The following DIAPH2 variants were observed in gnomAD, a reference collection of about 807,000 sequenced individuals.
The protein encoded by DIAPH2 is protein diaphanous homolog 2.
A neutral mutation model predicts 92.7 loss-of-function variants in DIAPH2; 35 were observed. The ratio of observed to expected loss-of-function variants is 0.38; its 90% CI spans 0.29 to 0.50. The LOEUF is 0.50. Ranked by LOEUF, DIAPH2 falls within the 20% of genes least tolerant of loss-of-function variation. The pLI, the probability that DIAPH2 is intolerant of heterozygous loss-of-function variation, is 0.94. For synonymous variants in DIAPH2, 301 were observed against 280.4 expected, an observed-to-expected ratio of 1.07 and a Z score of -0.73; for missense variants, 701 against 819.5, an observed-to-expected ratio of 0.86 and a Z score of 1.77.
intron 10 of DIAPH2, among the ~76,000 whole-genome samples, chrX:96,936,828 T>G (rs780824614): frequency 2.7e-5 from 3 of 112,242 alleles, no homozygotes; most frequent in Non-Finnish European, 5.6e-5. Context: ...TTGTTCTTCA[T>G]TAATACAATT....
chrX:96,980,085 T>C (rs1311717876), intron 17 of DIAPH2, among the ~76,000 whole-genome samples: 2 of 111,509 alleles, frequency 1.8e-5, no homozygotes, highest in African/African-American at 6.5e-5. Context: ...CTTATAGCCA[T>C]CTGCAGATGG....
At chrX:97,164,347 G>A (rs935107441) in intron 22 of DIAPH2, among the ~76,000 whole-genome samples, 17 of 111,339 alleles carry the variant, frequency 1.5e-4, no homozygotes, top group Non-Finnish European at 3.0e-4. Context: ...AATACCTAAG[G>A]CAAAAATACC....
intron 24 of DIAPH2, among the ~76,000 whole-genome samples, chrX:97,379,960 C>T (rs151289232): frequency 1.8e-5 from 2 of 110,623 alleles, no homozygotes; most frequent in African/African-American, 3.3e-5. Flanking sequence ...TTAGCATTTA[C>T]GTGAATTTCT....
chrX:97,068,521 AAAGGT>A (rs2066648070), intron 17 of DIAPH2, among the ~76,000 whole-genome samples: 1 of 111,535 alleles, frequency 9.0e-6, no homozygotes, highest in Non-Finnish European at 1.9e-5. Flanking sequence ...ATGCATAGAT[AAAGGT>A]GATTCAGAAT....
chrX:97,337,684 A>G (rs1179608986), intron 23 of DIAPH2, among the ~76,000 whole-genome samples: 1 of 110,457 alleles, frequency 9.1e-6, no homozygotes, highest in Non-Finnish European at 1.9e-5. Flanking sequence ...GGGTGTCAGA[A>G]TAACGGAAAA....
At chrX:97,000,701 A>G (rs2066138060) in intron 17 of DIAPH2, among the ~76,000 whole-genome samples, 1 of 111,579 alleles carries the variant, frequency 9.0e-6, no homozygotes, top group African/African-American at 3.3e-5. Flanking sequence ...TAAATGAAAA[A>G]TGTAGCACTA....
Position 97,233,140 on chromosome X carries a change from G to A in DIAPH2, c.2720-14575G>A, listed in dbSNP as rs1275522322. Among the ~76,000 whole-genome samples the A allele has an allele frequency of 2.7e-5, 3 of 112,149 alleles. No individual in the cohort carries two copies. In the East Asian group the frequency reaches 8.4e-4, roughly 31 times the overall value. On this transcript the variant is annotated intron_variant, in intron 22 of 26. Coordinates refer to ENST00000324765, the MANE Select transcript of DIAPH2 (RefSeq NM_006729.5). ...TCCCCTCACTTCCTTGTTTGCTATT[G>A]CAGTGCTATGCCATTAGCAGAACTA...
intron 17 of DIAPH2, among the ~76,000 whole-genome samples, chrX:97,064,982 GA>G (rs763391534): frequency 9.0e-5 from 10 of 111,122 alleles, no homozygotes; most frequent in Non-Finnish European, 1.7e-4. Context: ...GCACCAAGCT[GA>G]GATGGACCAT....
At chrX:97,407,050 A>G (rs1378216946) in intron 25 of DIAPH2, among the ~76,000 whole-genome samples, 2 of 111,914 alleles carry the variant, frequency 1.8e-5, no homozygotes, top group Non-Finnish European at 3.8e-5. Context: ...AGTCTTGAAT[A>G]TCTTTTAATA....
intron 16 of DIAPH2, among the ~76,000 whole-genome samples, chrX:96,962,430 CATATATATATACATATAT>C (rs2065865430): frequency 2.3e-5 from 1 of 43,728 alleles, no homozygotes; most frequent in African/African-American, 8.7e-5. Flanking sequence ...CATATATATA[CATATATATATACATATAT>C]ACACACACAT....
intron 22 of DIAPH2, among the ~76,000 whole-genome samples, chrX:97,217,672 G>T (rs1448638730): frequency 8.9e-6 from 1 of 112,351 alleles, no homozygotes; most frequent in Non-Finnish European, 1.9e-5. Flanking sequence ...TAAAGGCCGG[G>T]CGTGTTGGCT....
At chrX:97,270,456 C>CAG (rs1348988536) in intron 23 of DIAPH2, among the ~76,000 whole-genome samples, 1 of 111,983 alleles carries the variant, frequency 8.9e-6, no homozygotes, top group Non-Finnish European at 1.9e-5. Flanking sequence ...TACTAAGTGG[C>CAG]AGACCTGAGT....
At chrX:97,249,771 GAT>G (rs1325689098) in intron 23 of DIAPH2, among the ~76,000 whole-genome samples, 1 of 111,639 alleles carries the variant, frequency 9.0e-6, no homozygotes, top group Non-Finnish European at 1.9e-5. Flanking sequence ...AAAAGAGAAA[GAT>G]ATTTTATTGT....
chrX:96,780,912 T>C (rs1408486500), intron 4 of DIAPH2, among the ~76,000 whole-genome samples: 1 of 109,026 alleles, frequency 9.2e-6, no homozygotes, highest in Non-Finnish European at 1.9e-5. Context: ...GATCAAGCAA[T>C]TCTCCTACCT....
At chrX:97,384,738 C>T (rs1017858072) in intron 25 of DIAPH2, among the ~76,000 whole-genome samples, 3 of 109,904 alleles carry the variant, frequency 2.7e-5, no homozygotes, top group Admixed American at 9.8e-5. Flanking sequence ...TGGTGGCAGG[C>T]GCCTGTAATC....
At chrX:97,003,272 G>T (rs2066157247) in intron 17 of DIAPH2, among the ~76,000 whole-genome samples, 1 of 111,970 alleles carries the variant, frequency 8.9e-6, no homozygotes, top group South Asian at 3.7e-4. Flanking sequence ...TAGGAGTGCA[G>T]ATATCTCTTT....
At chrX:97,486,111 T>C (rs1311077181) in intron 26 of DIAPH2, among the ~76,000 whole-genome samples, 1 of 111,265 alleles carries the variant, frequency 9.0e-6, no homozygotes, top group Admixed American at 9.6e-5. Flanking sequence ...AATTTGGGCT[T>C]CTCTTAAAAA....
chrX:97,550,062 A>G (rs2071209018), intron 26 of DIAPH2, among the ~76,000 whole-genome samples: 1 of 112,777 alleles, frequency 8.9e-6, no homozygotes, highest in Non-Finnish European at 1.9e-5. Context: ...AAAAAACAGT[A>G]TTACATAAAA....
chrX:96,959,283 C>A (rs2065832335), intron 16 of DIAPH2, among the ~76,000 whole-genome samples: 1 of 111,331 alleles, frequency 9.0e-6, no homozygotes, highest in South Asian at 3.8e-4. Context: ...ACATCTTTGC[C>A]AGCATTTTGT....
Sources: gnomAD v4.1 joint callset for allele counts (sites outside exome capture counted in the v4.1 genomes callset) on GRCh38, gnomAD v4.1.1 for gene constraint, MANE v1.5 for transcripts, NCBI Gene and HGNC (gene_info 2026-07-23, HGNC 2026-07-21) for gene names.